Variants in SLC19A1 observed in about 807,000 individuals in gnomAD.
The protein encoded by SLC19A1 is solute carrier family 19 member 1, also known as reduced folate transporter.
SLC19A1 carries 37 observed loss-of-function variants against 35.3 expected under a neutral mutation model. The ratio of observed to expected loss-of-function variants is 1.05; its 90% CI spans 0.81 to 1.38. The LOEUF (loss-of-function observed/expected upper bound fraction) is 1.38, where lower values mean the gene tolerates loss of function less well. Among genes scored for constraint, SLC19A1 ranks in the 40% most tolerant of loss-of-function variants. SLC19A1 has a pLI of 0.00. For missense variants in SLC19A1, 831 were observed against 826.9 expected (o/e 1.00, Z -0.06); for synonymous variants, 460 against 398.5 (o/e 1.15, Z -1.84).
At chr21:45,535,390 C>T (rs939402217) in intron 2 of SLC19A1, among the ~76,000 whole-genome samples, 28 of 152,218 alleles carry the variant, frequency 1.8e-4, no homozygotes, top group Non-Finnish European at 4.4e-5. Context: ...CAGTCCAATC[C>T]CAAGGGCACG....
chr21:45,527,455 A>G lies in SLC19A1; in HGVS notation c.1152-1497T>C, dbSNP rs377378680. The stretch of plus-strand genomic sequence containing the variant: ...TGGGCCCTGGAGGTGAGTGGCAGCC[A>G]GGCAGGGCGGGCCCTGGAGGTGAGT... On this transcript the variant is annotated intron_variant, in intron 4 of 5. Coordinates refer to ENST00000311124, the MANE Select transcript of SLC19A1 (RefSeq NM_194255.4). Among the ~76,000 whole-genome samples the G allele has an allele frequency of 7.2e-4, 46 of 64,302 alleles. No homozygotes were observed. The East Asian group carries it at 8.2e-3, about 11-fold the overall frequency. 42.2% of individuals were successfully genotyped at this position (64,302 alleles called of 152,430 possible).
At position 45,540,570 on chromosome 21, in the gene SLC19A1, C is replaced by G. The variant is rs78980934; in HGVS notation, c.-50+1798G>C. 0.015 allele frequency among the ~76,000 whole-genome samples: 2,293 copies of G among 152,288 alleles called. 63 individuals are homozygous for G. Among genetic ancestry groups the G allele is most frequent in the African/African-American group, 0.052 (2,176 of 41,538 alleles). On this transcript the variant is annotated intron_variant, in intron 1 of 5. Transcript: ENST00000311124. This position sits in a 1 kb window ranked among gnomAD's most constrained non-coding sequence, Gnocchi z 5.5. Reference sequence around the variant, plus strand: ...CTGCCAGCATACTCAACTTATGTGCCGTGAACGTAGCCCACTGACAGAGGC... The same window carrying G: ...CTGCCAGCATACTCAACTTATGTGCGGTGAACGTAGCCCACTGACAGAGGC...
chr21:45,538,114 G>A lies in SLC19A1; in HGVS notation c.-49-106C>T, dbSNP rs182230844. 20 of 612,214 alleles carry A rather than the reference G, an allele frequency of 3.3e-5. No individual in the cohort carries two copies. In the Admixed American group the frequency reaches 5.0e-4, roughly 15 times the overall value. 37.9% of individuals were successfully genotyped at this position (612,214 alleles called of 1,614,324 possible). A position where few individuals can be genotyped will look rare whatever the true frequency, so the allele number is the denominator to read the frequency against. ...GCCTCCTCGCCACTCAGGACCAAAC[G>A]CCACCCTGGAGACGAATGCAGACCC... On this transcript the variant is annotated intron_variant, in intron 1 of 5. Transcript: ENST00000311124.
chr21:45,510,939 A>AAACACACC (rs2037543052), downstream of SLC19A1, among the ~76,000 whole-genome samples: 1 of 28,598 alleles, frequency 3.5e-5, no homozygotes, highest in African/African-American at 2.4e-4. Flanking sequence ...CCCCAAAAAA[A>AAACACACC]CACACACCCA....
Position 45,515,395 on chromosome 21 carries a change from G to C in SLC19A1, c.*263C>G, listed in dbSNP as rs1231132328. 1.4e-6 allele frequency: 2 copies of C among 1,434,476 alleles called. No homozygotes were observed. The highest frequency in any genetic ancestry group is 2.9e-5 in the African/African-American group (2 of 68,270). The allele number at this position is 1,434,476 out of a possible 1,614,324, so 88.9% of individuals were successfully genotyped here. On this transcript the variant is annotated 3_prime_UTR_variant, in exon 6 of 6. Transcript: ENST00000311124. ...GGGCATGAGCCAGTGAGGCCTGGTG[G>C]ACGCAGAAGCCCACCACCCACCTCT...
At chr21:45,505,911 T>C (rs1414749944) in intron 3 of SLC19A1, 1 of 1,612,996 alleles carries the variant, frequency 6.2e-7, no homozygotes, top group African/African-American at 1.3e-5. Context: ...CTCATCTTCG[T>C]GGCCGAGCAG....
intron 2 of SLC19A1, among the ~76,000 whole-genome samples, chr21:45,535,036 G>C (rs963407989): frequency 6.6e-6 from 1 of 152,272 alleles, no homozygotes; most frequent in African/African-American, 2.4e-5. Flanking sequence ...CCCGAAGGCA[G>C]GCAGGACGCG....
At chr21:45,505,714 C>T (rs1308084898) in intron 3 of SLC19A1, 2 of 812,548 alleles carry the variant, frequency 2.5e-6, no homozygotes, top group East Asian at 2.7e-5. Context: ...GCAGCCGCCT[C>T]AGTCCACACC....
chr21:45,509,395 C>CT, downstream of SLC19A1: 1 of 1,543,354 alleles, frequency 6.5e-7, no homozygotes, highest in Non-Finnish European at 8.7e-7. Flanking sequence ...CGTGGTGCAG[C>CT]TGCACGACAG....
chr21:45,543,144 C>T (rs9978677), upstream of SLC19A1, among the ~76,000 whole-genome samples: 1 of 152,182 alleles, frequency 6.6e-6, no homozygotes, highest in Non-Finnish European at 1.5e-5. Flanking sequence ...GAGACCCGCG[C>T]AGGCCTCGCA....
chr21:45,549,614 G>C (rs2078445005), intron 1 of SLC19A1, among the ~76,000 whole-genome samples: 1 of 136,336 alleles, frequency 7.3e-6, no homozygotes, highest in African/African-American at 2.8e-5. Flanking sequence ...GGGAGAAAAG[G>C]GCAGTGATGT....
downstream of SLC19A1, chr21:45,509,589 C>T: frequency 1.3e-6 from 2 of 1,506,100 alleles, no homozygotes; most frequent in Non-Finnish European, 8.9e-7. Flanking sequence ...GCCACCGCGA[C>T]TTCCAGCCGG....
chr21:45,554,609 C>T (rs1395203995), intron 1 of SLC19A1, among the ~76,000 whole-genome samples: 12 of 143,982 alleles, frequency 8.3e-5, no homozygotes, highest in African/African-American at 3.1e-4. Flanking sequence ...AGCATCGTGT[C>T]TCCAGGTCCC....
At chr21:45,521,020 CAA>C (rs55910547) in intron 5 of SLC19A1, among the ~76,000 whole-genome samples, 39 of 115,480 alleles carry the variant, frequency 3.4e-4, no homozygotes, top group Admixed American at 7.3e-4. Flanking sequence ...AACTCCATCT[CAA>C]AAAAAAAAAA....
At chr21:45,510,570 A>G (rs888264821), downstream of SLC19A1, among the ~76,000 whole-genome samples, 4 of 150,896 alleles carry the variant, frequency 2.7e-5, no homozygotes, top group African/African-American at 9.7e-5. Context: ...CCAAGTGTCC[A>G]CACAGGTGAT....
In SLC19A1 at chr21:45,540,905, G is replaced by A. The variant is rs1185452071; in HGVS notation, c.-50+1463C>T. Among the ~76,000 whole-genome samples, 3 of 152,214 alleles carry A rather than the reference G, an allele frequency of 2.0e-5. No individual in the cohort carries two copies. The highest frequency in any genetic ancestry group is 4.4e-5 in the Non-Finnish European group (3 of 68,044). On this transcript the variant is annotated intron_variant, in intron 1 of 5. Coordinates refer to ENST00000311124, the MANE Select transcript of SLC19A1 (RefSeq NM_194255.4). The surrounding 1 kb of genome is among the most constrained non-coding windows in gnomAD (Gnocchi z 5.5). ...TCCTTCCAAGCACCAGAGAAGGCCAGAGACCCGCAATCAAAACACAAGCAA... is the reference window on the plus strand; with the variant it reads ...TCCTTCCAAGCACCAGAGAAGGCCAAAGACCCGCAATCAAAACACAAGCAA...
At position 45,514,261 on chromosome 21, in the gene SLC19A1, C is replaced by CCCA. The variant is rs1212635603; in HGVS notation, c.*1396_*1397insTGG. On this transcript the variant is annotated 3_prime_UTR_variant, in exon 6 of 6. Coordinates refer to ENST00000311124, the MANE Select transcript of SLC19A1 (RefSeq NM_194255.4). Reference sequence around the variant, plus strand: ...CCCAGGAAATGGCTGGTGCAGACCCCCCCCCAAGCAGGGTCCCCAGGGTGG... The same window carrying CCCA: ...CCCAGGAAATGGCTGGTGCAGACCCCCCACCCCCAAGCAGGGTCCCCAGGGTGG... 6.6e-6 allele frequency: 1 copy of CCCA among 151,962 alleles called. No homozygotes were observed. The highest frequency in any genetic ancestry group is 2.1e-4 in the South Asian group (1 of 4,796). The allele number at this position is 151,962 out of a possible 1,614,324, so 9.4% of individuals were successfully genotyped here.
At chr21:45,532,578 T>C (rs2077971169) in intron 2 of SLC19A1, among the ~76,000 whole-genome samples, 2 of 151,974 alleles carry the variant, frequency 1.3e-5, no homozygotes, top group South Asian at 4.2e-4. Context: ...AGATTACAGG[T>C]GCGTACCACC....
intron 5 of SLC19A1, among the ~76,000 whole-genome samples, chr21:45,518,851 A>G (rs927929339): frequency 7.2e-5 from 11 of 152,216 alleles, no homozygotes; most frequent in Admixed American, 3.3e-4. Context: ...TCTGTCTAAA[A>G]TAATGGCAAA....
Sources: allele counts gnomAD v4.1 joint callset (sites outside exome capture counted in the v4.1 genomes callset), GRCh38; gene constraint gnomAD v4.1.1; non-coding constraint Gnocchi (gnomAD v3.1); transcripts MANE v1.5; gene names NCBI Gene and HGNC (gene_info 2026-07-23, HGNC 2026-07-21).